Variants in FRYL observed in about 807,000 individuals in gnomAD.
FRYL encodes FRY like transcription coactivator, also known as protein furry homolog-like.
In FRYL, 150 loss-of-function variants were observed where a neutral mutation model predicts 351.2. The ratio of observed to expected loss-of-function variants is 0.43; its 90% CI spans 0.37 to 0.49. The LOEUF is 0.49. Among genes scored for constraint, FRYL ranks in the 20% least tolerant of loss-of-function variants. The probability of loss-of-function intolerance (pLI) is 0.00; values close to 1 mark genes in which losing one functional copy is unlikely to be tolerated. For missense variants in FRYL, 3,036 were observed against 3,619.3 expected, an observed-to-expected ratio of 0.84 and a Z score of 4.13; for synonymous variants, 1,153 against 1,257.1, an observed-to-expected ratio of 0.92 and a Z score of 1.75.
chr4:48,650,496 T>C (rs1299471345), intron 3 of FRYL, among the ~76,000 whole-genome samples: 2 of 152,304 alleles, frequency 1.3e-5, no homozygotes, highest in Non-Finnish European at 2.9e-5. Flanking sequence ...GCATTAACTA[T>C]GTGGCTGACT....
chr4:48,527,341 T>C, intron 53 of FRYL, 136 bp downstream of exon 53: 1 of 507,818 alleles, frequency 2.0e-6, no homozygotes, highest in East Asian at 3.1e-5. Flanking sequence ...ATTGTGGTAA[T>C]CAAATTTAAT....
chr4:48,692,225 A>G (rs1385942365), intron 2 of FRYL, among the ~76,000 whole-genome samples: 2 of 152,148 alleles, frequency 1.3e-5, no homozygotes, highest in Non-Finnish European at 2.9e-5. Flanking sequence ...TCCCTTCTTC[A>G]CATTTCTTAC....
intron 3 of FRYL, chr4:48,638,469 G>A (rs1225635371): frequency 6.6e-6 from 1 of 152,174 alleles, no homozygotes; most frequent in Non-Finnish European, 1.5e-5. Context: ...AGATGCTGGA[G>A]AGGATGTGGA....
Position 48,543,734 on chromosome 4 carries a change from CA to C in FRYL, c.5592+72del, listed in dbSNP as rs1730732646. On this transcript the variant is annotated intron_variant, in intron 44 of 63. Transcript: ENST00000358350. Reference sequence around the variant, plus strand: ...GCCCATTATCTTGCTCTAGCTATAGCAATCTATATGGACAATAAATCCTTGA... The same window carrying C: ...GCCCATTATCTTGCTCTAGCTATAGCATCTATATGGACAATAAATCCTTGA... 4 of 1,304,342 alleles carry C rather than the reference CA, an allele frequency of 3.1e-6. No homozygotes were observed. The South Asian group carries it at 5.6e-5, about 18-fold the overall frequency. The allele number at this position is 1,304,342 out of a possible 1,614,324, so 80.8% of individuals were successfully genotyped here.
intron 58 of FRYL, 92 bp from the exon 59 acceptor site, chr4:48,510,249 TGTTA>T (rs1722191124): frequency 2.2e-6 from 2 of 921,840 alleles, no homozygotes; most frequent in Non-Finnish European, 3.5e-6. Context: ...ATGGAATAGC[TGTTA>T]GTTGGTTTTT....
At chr4:48,512,399 C>T (rs778631766) in intron 57 of FRYL, 82 bp downstream of exon 57, 42 of 1,127,700 alleles carry the variant, frequency 3.7e-5, no homozygotes, top group African/African-American at 7.8e-5. Flanking sequence ...ATATTAAAAT[C>T]GGAGATGCTG....
At chr4:48,576,385 C>G (rs899547419) in intron 23 of FRYL, among the ~76,000 whole-genome samples, 163 bp from the exon 24 acceptor site, 1 of 151,754 alleles carries the variant, frequency 6.6e-6, no homozygotes, top group African/African-American at 2.4e-5. Context: ...TCACTGCAAC[C>G]TCCCCACCTC....
chr4:48,611,841 C>T (rs1408138509), intron 7 of FRYL, among the ~76,000 whole-genome samples: 2 of 152,034 alleles, frequency 1.3e-5, no homozygotes, highest in African/African-American at 4.8e-5. Context: ...GAATGAAAAT[C>T]TTCAAGATAT....
chr4:48,511,526 A>G (rs1389578513), intron 57 of FRYL, among the ~76,000 whole-genome samples: 1 of 152,218 alleles, frequency 6.6e-6, no homozygotes, highest in Non-Finnish European at 1.5e-5. Context: ...TATCAGTAGT[A>G]TAATTATTAC....
rs758982999 is a variant in FRYL at position 48,579,129 on chromosome 4, A to G, written c.2372T>C (p.Phe791Ser). 7 of 1,614,008 alleles carry G rather than the reference A, an allele frequency of 4.3e-6. No homozygotes were observed. The highest frequency in any genetic ancestry group is 5.9e-6 in the Non-Finnish European group (7 of 1,179,896). The change falls in exon 23 of 64, where the codon TTT (phenylalanine) becomes TCT (serine). Residue 791 changes from phenylalanine to serine, a missense_variant. Around this residue, in one of 7 missense-constraint regions of FRYL, gnomAD observed 492 missense variants for 551.5 expected, o/e 0.89. Transcript: ENST00000358350. ...DVISPSHIWI[F>S]AHVTQGQDPW... Reference sequence around the variant, plus strand: ...GTCTTGGCCTTGGGTCACATGTGCAAATATCCATATATGTGATGGACTAAT... The same window carrying G: ...GTCTTGGCCTTGGGTCACATGTGCAGATATCCATATATGTGATGGACTAAT...
intron 52 of FRYL, 34 bp from the exon 53 acceptor site, chr4:48,527,687 T>G: frequency 6.4e-7 from 1 of 1,572,394 alleles, no homozygotes; most frequent in African/African-American, 1.4e-5. Context: ...AAAAAGTCCA[T>G]CCATCAGATT....
intron 6 of FRYL, 59 bp from the exon 7 acceptor site, chr4:48,619,429 T>C (rs1578382711): frequency 7.9e-6 from 7 of 884,646 alleles, no homozygotes; most frequent in Non-Finnish European, 1.0e-5. Flanking sequence ...AAATACCTGT[T>C]AGTTAGTAGC....
At chr4:48,742,282 C>T (rs1772177963) in intron 1 of FRYL, among the ~76,000 whole-genome samples, 1 of 152,200 alleles carries the variant, frequency 6.6e-6, no homozygotes, top group African/African-American at 2.4e-5. Context: ...TTTTACTTAA[C>T]ACAATTTGGA....
intron 3 of FRYL, among the ~76,000 whole-genome samples, chr4:48,666,793 TC>T (rs1761788947): frequency 6.6e-6 from 1 of 152,140 alleles, no homozygotes; most frequent in South Asian, 2.1e-4. Flanking sequence ...GAAATGTGCA[TC>T]AGCTTATACT....
chr4:48,721,915 C>T (rs1769513346), intron 1 of FRYL, among the ~76,000 whole-genome samples: 3 of 152,174 alleles, frequency 2.0e-5, no homozygotes, highest in Non-Finnish European at 2.9e-5. Flanking sequence ...GCTGGGATTA[C>T]AGGTGTGAGC....
intron 3 of FRYL, among the ~76,000 whole-genome samples, chr4:48,668,779 C>A (rs1167100527): frequency 1.3e-5 from 2 of 152,218 alleles, no homozygotes; most frequent in African/African-American, 4.8e-5. Context: ...GAGATTTCCA[C>A]TCCCCTTGTA....
At position 48,589,873 on chromosome 4, in the gene FRYL, C is replaced by T. The variant is rs1229473159; in HGVS notation, c.1512G>A (p.Met504Ile). ...LTDEEAKVIG[M>I]SVYYPQVRKA... Reference sequence around the variant, plus strand: ...TTCTTACTTGAGGATAGTAAACTGACATTCCTAGGGGAAAAAACTTCACAG... The same window carrying T: ...TTCTTACTTGAGGATAGTAAACTGATATTCCTAGGGGAAAAAACTTCACAG... The change falls in exon 18 of 64, where the codon ATG (methionine) becomes ATA (isoleucine). Residue 504 changes from methionine to isoleucine, a missense_variant. Coordinates refer to ENST00000358350, the MANE Select transcript of FRYL (RefSeq NM_015030.2). The T allele has an allele frequency of 2.5e-6, 4 of 1,610,572 alleles. No individual in the cohort carries two copies. In the African/African-American group the frequency reaches 4.0e-5, roughly 16 times the overall value.
At position 48,602,017 on chromosome 4, in the gene FRYL, T is replaced by G; in HGVS notation, c.1035+3A>C. The G allele has an allele frequency of 6.7e-7, 1 of 1,491,436 alleles. No homozygotes were observed. The highest frequency in any genetic ancestry group is 1.1e-5 in the South Asian group (1 of 88,084). The allele number at this position is 1,491,436 out of a possible 1,614,324, so 92.4% of individuals were successfully genotyped here. ...ACATATCAGAAGTGTGATTACATCT[T>G]ACCTTTAAATGTGACAAACAGTTCT... On this transcript the variant is annotated splice_donor_region_variant and intron_variant, in intron 13 of 63. Coordinates refer to ENST00000358350, the MANE Select transcript of FRYL (RefSeq NM_015030.2).
At chr4:48,734,599 C>T (rs1172422159) in intron 1 of FRYL, among the ~76,000 whole-genome samples, 1 of 152,198 alleles carries the variant, frequency 6.6e-6, no homozygotes, top group African/African-American at 2.4e-5. Flanking sequence ...GCAGGTTACA[C>T]ATTCTTCTCA....
Sources: gnomAD v4.1 joint callset for allele counts (sites outside exome capture counted in the v4.1 genomes callset) on GRCh38, gnomAD v4.1.1 for gene constraint, gnomAD v4.1.1 regional missense constraint, MANE v1.5 for transcripts, NCBI Gene and HGNC (gene_info 2026-07-23, HGNC 2026-07-21) for gene names.